The following PRKN variants were observed in gnomAD, a reference collection of about 807,000 sequenced individuals.
The protein encoded by PRKN is parkin RBR E3 ubiquitin protein ligase, also known as E3 ubiquitin-protein ligase parkin.
Under a neutral mutation model 59.5 loss-of-function variants are expected in PRKN, and 56 were observed. The observed-to-expected ratio is 0.94, with a 90% CI of 0.76 to 1.18. PRKN has a LOEUF of 1.18. Ranked by LOEUF, PRKN falls within the 50% of genes most tolerant of loss-of-function variation. PRKN has a pLI of 0.00. For missense variants in PRKN, 657 were observed against 596.4 expected (o/e 1.10, Z -1.06); for synonymous variants, 250 against 222.1 (o/e 1.13, Z -1.12).
At chr6:161,940,238 G>A (rs1432536281) in intron 6 of PRKN, among the ~76,000 whole-genome samples, 1 of 151,146 alleles carries the variant, frequency 6.6e-6, no homozygotes, top group Non-Finnish European at 1.5e-5. Context: ...GTATTGAGGT[G>A]TCTAGTATCA....
intron 1 of PRKN, among the ~76,000 whole-genome samples, chr6:162,659,387 C>G (rs1195244997): frequency 6.6e-6 from 1 of 152,106 alleles, no homozygotes; most frequent in Non-Finnish European, 1.5e-5. Context: ...CATTCCTACA[C>G]AGTATACAGA....
At chr6:161,902,220 G>GTCC (rs1026270078) in intron 6 of PRKN, among the ~76,000 whole-genome samples, 7 of 152,044 alleles carry the variant, frequency 4.6e-5, no homozygotes, top group African/African-American at 1.4e-4. Flanking sequence ...GGCCGGCCCC[G>GTCC]TCCTCGCACC....
intron 4 of PRKN, among the ~76,000 whole-genome samples, chr6:162,118,504 T>C (rs753452810): frequency 1.3e-5 from 2 of 152,216 alleles, no homozygotes; most frequent in Non-Finnish European, 2.9e-5. Context: ...GTTTTCAATA[T>C]TATACATGAA....
chr6:162,022,272 C>T (rs1304160595), intron 5 of PRKN, among the ~76,000 whole-genome samples: 1 of 152,038 alleles, frequency 6.6e-6, no homozygotes, highest in Admixed American at 6.6e-5. Context: ...ATAATGTTTT[C>T]CATAGAGGTT....
At chr6:162,513,448 T>C (rs1583700811) in intron 1 of PRKN, among the ~76,000 whole-genome samples, 1 of 145,122 alleles carries the variant, frequency 6.9e-6, no homozygotes, top group East Asian at 2.1e-4. Context: ...CACTCCAGCC[T>C]GGGCAACAGA....
intron 3 of PRKN, among the ~76,000 whole-genome samples, chr6:162,214,376 T>C (rs1371791440): frequency 6.6e-6 from 1 of 152,186 alleles, no homozygotes; most frequent in Admixed American, 6.5e-5. Flanking sequence ...CTCTCCTTTC[T>C]TCAGGGTTGG....
intron 1 of PRKN, among the ~76,000 whole-genome samples, chr6:162,529,229 T>C (rs1295767028): frequency 6.6e-6 from 1 of 151,562 alleles, no homozygotes; most frequent in Non-Finnish European, 1.5e-5. Flanking sequence ...TCTAACTTGA[T>C]GGGAAAAAAA....
chr6:162,529,544 C>A (rs1778422570), intron 1 of PRKN, among the ~76,000 whole-genome samples: 2 of 152,124 alleles, frequency 1.3e-5, no homozygotes, highest in Admixed American at 1.3e-4. Context: ...ATGCAACCCA[C>A]CCGCCAAGTT....
intron 4 of PRKN, among the ~76,000 whole-genome samples, chr6:162,084,702 T>C (rs1457851243): frequency 6.6e-6 from 1 of 152,052 alleles, no homozygotes; most frequent in Non-Finnish European, 1.5e-5. Context: ...ATTAGTAAAT[T>C]TTCCTATACT....
chr6:161,352,755 G>GTGTGTGTGTATATATA lies in PRKN; in HGVS notation c.1286-2545_1286-2544insTATATATACACACACA, dbSNP rs766949960. 6.0e-5 allele frequency among the ~76,000 whole-genome samples: 8 copies of GTGTGTGTGTATATATA among 134,378 alleles called. No homozygotes were observed. Among genetic ancestry groups the GTGTGTGTGTATATATA allele is most frequent in the African/African-American group, 2.2e-4 (8 of 35,726 alleles). 88.2% of individuals were successfully genotyped at this position (134,378 alleles called of 152,430 possible). A position where few individuals can be genotyped will look rare whatever the true frequency, so the allele number is the denominator to read the frequency against. ...TGTGTGTGTGTGTGTGTGTGTGTGTGTATATATATATATATATTTTATTTT... is the reference window on the plus strand; with the variant it reads ...TGTGTGTGTGTGTGTGTGTGTGTGTGTGTGTGTGTATATATATATATATATATATATATTTTATTTT... On this transcript the variant is annotated intron_variant, in intron 11 of 11. Transcript: ENST00000366898. This position sits in a 1 kb window ranked among gnomAD's most constrained non-coding sequence, Gnocchi z 5.8.
chr6:162,674,476 A>G (rs1225740988), intron 1 of PRKN, among the ~76,000 whole-genome samples: 2 of 152,280 alleles, frequency 1.3e-5, no homozygotes, highest in African/African-American at 4.8e-5. Context: ...TGGTATTGGA[A>G]AGTCATTCCA....
chr6:161,874,875 A>G (rs1583284080), intron 6 of PRKN, among the ~76,000 whole-genome samples: 1 of 111,662 alleles, frequency 9.0e-6, no homozygotes, highest in African/African-American at 3.8e-5. Flanking sequence ...AATGTAAAAT[A>G]TAAAATATAT....
chr6:162,446,960 T>G (rs892845376), intron 1 of PRKN, among the ~76,000 whole-genome samples: 1 of 152,212 alleles, frequency 6.6e-6, no homozygotes, highest in Non-Finnish European at 1.5e-5. Context: ...GAAATTTGAA[T>G]GCTGGTTGTA....
chr6:162,401,022 C>T (rs1562735117), intron 2 of PRKN, among the ~76,000 whole-genome samples: 1 of 151,928 alleles, frequency 6.6e-6, no homozygotes, highest in Non-Finnish European at 1.5e-5. Flanking sequence ...ATAATGGAAA[C>T]GCAACACAAG....
At chr6:161,602,888 G>A (rs1782156462) in intron 7 of PRKN, among the ~76,000 whole-genome samples, 1 of 152,166 alleles carries the variant, frequency 6.6e-6, no homozygotes, top group African/African-American at 2.4e-5. Flanking sequence ...GCTTAGTTGA[G>A]GGGATACATA....
chr6:161,809,161 T>A (rs564311317), intron 6 of PRKN, among the ~76,000 whole-genome samples: 1 of 152,320 alleles, frequency 6.6e-6, no homozygotes, highest in South Asian at 2.1e-4. Context: ...CATTTAACTT[T>A]AAAGTTGAAA....
In PRKN at chr6:161,397,355, T is replaced by A. The variant is rs1324135932; in HGVS notation, c.1084-10478A>T. ...ATGCACAATCATGGGTTGAATTGAGTATTCTTGTGTAAGTCTTAAGGGTCC... is the reference window on the plus strand; with the variant it reads ...ATGCACAATCATGGGTTGAATTGAGAATTCTTGTGTAAGTCTTAAGGGTCC... On this transcript the variant is annotated intron_variant, in intron 9 of 11. Transcript: ENST00000366898. The surrounding 1 kb of genome is among the most constrained non-coding windows in gnomAD (Gnocchi z 4.2). Among the ~76,000 whole-genome samples the A allele has an allele frequency of 1.3e-5, 2 of 152,194 alleles. No homozygotes were observed. Among genetic ancestry groups the A allele is most frequent in the African/African-American group, 4.8e-5 (2 of 41,448 alleles).
chr6:161,594,202 T>A (rs576162624), intron 7 of PRKN, among the ~76,000 whole-genome samples: 1 of 152,210 alleles, frequency 6.6e-6, no homozygotes, highest in South Asian at 2.1e-4. Flanking sequence ...CTGGACTTCA[T>A]GCCAAATCTA....
At chr6:162,613,886 A>C (rs746425417) in intron 1 of PRKN, among the ~76,000 whole-genome samples, 1 of 152,164 alleles carries the variant, frequency 6.6e-6, no homozygotes, top group Non-Finnish European at 1.5e-5. Flanking sequence ...GCTTAGCTTG[A>C]AGAGTCACTA....
Sources: gnomAD v4.1 joint callset for allele counts (sites outside exome capture counted in the v4.1 genomes callset) on GRCh38, gnomAD v4.1.1 for gene constraint, Gnocchi (gnomAD v3.1) non-coding constraint, MANE v1.5 for transcripts, NCBI Gene and HGNC (gene_info 2026-07-23, HGNC 2026-07-21) for gene names.